MAPT: variants seen among roughly 807,000 people sequenced by gnomAD.
MAPT encodes the protein microtubule associated protein tau, also known as microtubule-associated protein tau.
MAPT carries 34 observed loss-of-function variants against 67.9 expected under a neutral mutation model. The observed-to-expected ratio is 0.50, with a 90% CI of 0.38 to 0.67. MAPT has a LOEUF of 0.67. MAPT is among the 30% of genes least tolerant of loss of function. The probability of loss-of-function intolerance (pLI) is 0.00; values close to 1 mark genes in which losing one functional copy is unlikely to be tolerated. For missense variants in MAPT, 881 were observed against 1,115.2 expected (o/e 0.79, Z 2.99); for synonymous variants, 456 against 464.5 (o/e 0.98, Z 0.23).
At chr17:45,927,528 C>T (rs1355033717) in intron 1 of MAPT, among the ~76,000 whole-genome samples, 1 of 152,154 alleles carries the variant, frequency 6.6e-6, no homozygotes, top group Non-Finnish European at 1.5e-5. Flanking sequence ...GTCTGGATCC[C>T]ATATCTCCAC....
In MAPT at chr17:45,915,458, ATGTT is replaced by A. The variant is rs1249691576; in HGVS notation, c.-18+20775_-18+20778del. 1.8e-5 allele frequency among the ~76,000 whole-genome samples: 2 copies of A among 109,764 alleles called. No individual in the cohort carries two copies. Among genetic ancestry groups the A allele is most frequent in the Non-Finnish European group, 4.7e-5 (2 of 42,838 alleles). 72.0% of individuals were successfully genotyped at this position (109,764 alleles called of 152,430 possible). A position where few individuals can be genotyped will look rare whatever the true frequency, so the allele number is the denominator to read the frequency against. ...GGTGTGTAAGCATGTGTGAGTGTGT[ATGTT>A]TGAGCATGTGTGGTGTGTTGTGATA... On this transcript the variant is annotated intron_variant, in intron 1 of 12. Coordinates refer to ENST00000262410, the MANE Select transcript of MAPT (RefSeq NM_001377265.1). This position sits in a 1 kb window ranked among gnomAD's most constrained non-coding sequence, Gnocchi z 4.4.
chr17:45,978,838 A>G (rs909165156), intron 4 of MAPT: 2 of 170,372 alleles, frequency 1.2e-5, no homozygotes, highest in African/African-American at 4.8e-5. Context: ...ATCCTGTCTC[A>G]CTACAAATAA....
intron 1 of MAPT, among the ~76,000 whole-genome samples, chr17:45,946,742 T>C (rs545928596): frequency 6.6e-6 from 1 of 150,804 alleles, no homozygotes; most frequent in Non-Finnish European, 1.5e-5. Flanking sequence ...GTAGTTACAA[T>C]GGAGGAGAGA....
At position 45,991,731 on chromosome 17, in the gene MAPT, C is replaced by A. The variant is rs904177356; in HGVS notation, c.1732+145C>A. ...GCAGTTTACTAAGCACTGGAGTCTT[C>A]ATTGCCTTCTCAGTCCTTTTGATTT... is the stretch of plus-strand genomic sequence containing the variant. On this transcript the variant is annotated intron_variant, in intron 8 of 12. Transcript: ENST00000262410. 3.4e-5 allele frequency: 34 copies of A among 997,948 alleles called. No homozygotes were observed. The Admixed American group carries it at 7.1e-4, about 21-fold the overall frequency. The allele number at this position is 997,948 out of a possible 1,614,324, so 61.8% of individuals were successfully genotyped here.
chr17:45,938,907 G>T (rs1185717727), intron 1 of MAPT, among the ~76,000 whole-genome samples: 1 of 148,860 alleles, frequency 6.7e-6, no homozygotes, highest in African/African-American at 2.5e-5. Context: ...TCCGCCTCCT[G>T]GGTTCAAGTG....
chr17:45,944,425 A>G (rs1253661634), intron 1 of MAPT, among the ~76,000 whole-genome samples: 1 of 152,198 alleles, frequency 6.6e-6, no homozygotes, highest in Non-Finnish European at 1.5e-5. Context: ...AAGGCTGGAT[A>G]TGGTGCATTC....
In MAPT at chr17:45,896,421, C is replaced by T. The variant is rs1461608445; in HGVS notation, c.-18+1735C>T. ...CCGGCTTTACGCCCTGTTGCTTCGC[C>T]TGGCCGGAGAATGTGAGGAAGGGGC... On this transcript the variant is annotated intron_variant, in intron 1 of 12. Coordinates refer to ENST00000262410, the MANE Select transcript of MAPT (RefSeq NM_001377265.1). This position sits in a 1 kb window ranked among gnomAD's most constrained non-coding sequence, Gnocchi z 5.6. The T allele has an allele frequency of 6.6e-6, 1 of 152,280 alleles. No individual in the cohort carries two copies. The allele number at this position is 152,280 out of a possible 1,614,324, so 9.4% of individuals were successfully genotyped here.
At position 45,971,590 on chromosome 17, in the gene MAPT, G is replaced by T. The variant is rs1334225472; in HGVS notation, c.134-269G>T. Among the ~76,000 whole-genome samples, 1 of 152,198 alleles carries T rather than the reference G, an allele frequency of 6.6e-6. No individual in the cohort carries two copies. The highest frequency in any genetic ancestry group is 1.9e-4 in the East Asian group (1 of 5,192). ...TTTGCCTCAGGTGGCACCACTAGCT[G>T]GTTAAGAGGCACTTTGTCCTTTCAC... On this transcript the variant is annotated intron_variant, in intron 2 of 12. Transcript: ENST00000262410. The surrounding 1 kb of genome is among the most constrained non-coding windows in gnomAD (Gnocchi z 4.3).
chr17:45,923,139 C>T (rs56002706), intron 1 of MAPT, among the ~76,000 whole-genome samples: 21,819 of 152,076 alleles, frequency 0.14, 2,136 homozygotes, highest in Middle Eastern at 0.22. Context: ...TGTGAAGATT[C>T]GGTAAGGTGG....
chr17:45,905,646 T>C (rs938270935), intron 1 of MAPT, among the ~76,000 whole-genome samples: 1 of 152,216 alleles, frequency 6.6e-6, no homozygotes, highest in African/African-American at 2.4e-5. Flanking sequence ...GCCCCTGTTA[T>C]CACTGGCTGC....
intron 1 of MAPT, among the ~76,000 whole-genome samples, chr17:45,938,621 T>C (rs2067571779): frequency 6.6e-6 from 1 of 151,916 alleles, no homozygotes; most frequent in Middle Eastern, 3.2e-3. Context: ...CTACTTTACA[T>C]GAAAATTCAT....
Position 45,983,800 on chromosome 17 carries a change from A to C in MAPT, c.1221A>C (p.Gly407=), listed in dbSNP as rs757366902. Residue 407 remains glycine, a synonymous_variant, in exon 5 of 13, where the codon GGA becomes GGC. Transcript: ENST00000262410. The part of the protein sequence containing the change: ...LGRAAFPGAP[G]EGPEARGPSL... ...GGGCTGCATTTCCAGGGGCCCCTGG[A>C]GAGGGGCCAGAGGCCCGGGGCCCCT... is the stretch of plus-strand genomic sequence containing the variant. The C allele has an allele frequency of 6.2e-7, 1 of 1,613,426 alleles. No homozygotes were observed. Among genetic ancestry groups the C allele is most frequent in the Admixed American group, 1.7e-5 (1 of 59,990 alleles).
intron 2 of MAPT, chr17:45,969,334 C>A: frequency 6.5e-6 from 1 of 152,686 alleles, no homozygotes; most frequent in Middle Eastern, 1.6e-3. Context: ...CTGATGGAAG[C>A]TTTACATGTT....
intron 9 of MAPT, chr17:45,999,513 C>T: frequency 6.2e-7 from 1 of 1,613,930 alleles, no homozygotes; most frequent in Non-Finnish European, 8.5e-7. Flanking sequence ...CCAGTTCTTA[C>T]AGCTCTGAAG....
intron 1 of MAPT, among the ~76,000 whole-genome samples, chr17:45,937,091 C>T (rs1454185564): frequency 1.3e-5 from 2 of 152,172 alleles, no homozygotes; most frequent in African/African-American, 2.4e-5. Flanking sequence ...TTCAGTGTGG[C>T]GCACATTTGA....
At chr17:45,939,728 C>G (rs142163268) in intron 1 of MAPT, among the ~76,000 whole-genome samples, 229 of 152,278 alleles carry the variant, frequency 1.5e-3, no homozygotes, top group South Asian at 2.3e-3. Context: ...GATGTGACTT[C>G]AGCCTGAGCG....
chr17:45,986,707 T>C (rs2073576122), intron 5 of MAPT, among the ~76,000 whole-genome samples: 1 of 152,180 alleles, frequency 6.6e-6, no homozygotes, highest in African/African-American at 2.4e-5. Context: ...CAGGAGCCTG[T>C]GGGTTAGGGA....
intron 1 of MAPT, among the ~76,000 whole-genome samples, chr17:45,943,528 T>A (rs2068183521): frequency 6.6e-6 from 1 of 152,164 alleles, no homozygotes; most frequent in Non-Finnish European, 1.5e-5. Flanking sequence ...AAATTAGAAG[T>A]GAAAACATCT....
At chr17:45,962,241 G>A (rs989196780) in intron 1 of MAPT, 80 bp from the exon 2 acceptor site, 2 of 1,199,376 alleles carry the variant, frequency 1.7e-6, no homozygotes, top group Non-Finnish European at 1.2e-6. Flanking sequence ...TGAACTGGGA[G>A]GAGAGGCTCC....
Sources: gnomAD v4.1 joint callset for allele counts (sites outside exome capture counted in the v4.1 genomes callset) on GRCh38, gnomAD v4.1.1 for gene constraint, Gnocchi (gnomAD v3.1) non-coding constraint, MANE v1.5 for transcripts, NCBI Gene and HGNC (gene_info 2026-07-23, HGNC 2026-07-21) for gene names.